SLIT2: variants seen among roughly 807,000 people sequenced by gnomAD.
SLIT2 encodes the protein slit guidance ligand 2.
In SLIT2, 41 loss-of-function variants were observed where a neutral mutation model predicts 185.7. That is an observed-to-expected ratio of 0.22 (90% CI 0.17 to 0.29). The LOEUF (loss-of-function observed/expected upper bound fraction) is 0.29, where lower values mean the gene tolerates loss of function less well. Ranked by LOEUF, SLIT2 falls within the 10% of genes least tolerant of loss-of-function variation. The probability of loss-of-function intolerance (pLI) is 1.00; values close to 1 mark genes in which losing one functional copy is unlikely to be tolerated. For missense variants in SLIT2, 1,571 were observed against 1,909.0 expected, an observed-to-expected ratio of 0.82 and a Z score of 3.30; for synonymous variants, 693 against 680.2, an observed-to-expected ratio of 1.02 and a Z score of -0.29.
At chr4:20,539,174 A>C (rs1373805201) in intron 18 of SLIT2, among the ~76,000 whole-genome samples, 3 of 152,286 alleles carry the variant, frequency 2.0e-5, no homozygotes, top group Non-Finnish European at 2.9e-5. Flanking sequence ...TCAAAGGAAA[A>C]CATTCTTCCC....
In SLIT2 at chr4:20,529,445, G is replaced by A. The variant is rs1332899167; in HGVS notation, c.1613+346G>A. On this transcript the variant is annotated intron_variant, in intron 16 of 36. Coordinates refer to ENST00000504154, the MANE Select transcript of SLIT2 (RefSeq NM_004787.4). ...GTTTTTAACGTATTTAATTCTTATA[G>A]CAACTAAATAAAGTAGTTTGAGAGC... Among the ~76,000 whole-genome samples the A allele has an allele frequency of 2.0e-5, 3 of 151,984 alleles. No homozygotes were observed. In the South Asian group the frequency reaches 6.2e-4, roughly 31 times the overall value.
intron 29 of SLIT2, among the ~76,000 whole-genome samples, chr4:20,581,739 CTCTT>C (rs1726592343): frequency 6.6e-6 from 1 of 152,164 alleles, no homozygotes; most frequent in East Asian, 2.0e-4. Flanking sequence ...ACAGAGTTCT[CTCTT>C]TCTCTCTCTT....
intron 4 of SLIT2, among the ~76,000 whole-genome samples, chr4:20,462,236 C>T (rs1577701661): frequency 6.6e-6 from 1 of 152,140 alleles, no homozygotes; most frequent in African/African-American, 2.4e-5. Context: ...TCCAGCTCCC[C>T]TCATTTCTCT....
intron 26 of SLIT2, among the ~76,000 whole-genome samples, chr4:20,556,348 A>C (rs1300656075): frequency 6.6e-6 from 1 of 152,046 alleles, no homozygotes; most frequent in African/African-American, 2.4e-5. Flanking sequence ...GACAAACTGC[A>C]AACTGATTCT....
At chr4:20,335,226 C>G (rs1311230505) in intron 4 of SLIT2, among the ~76,000 whole-genome samples, 2 of 152,114 alleles carry the variant, frequency 1.3e-5, no homozygotes, top group African/African-American at 4.8e-5. Flanking sequence ...TTGAGTGATT[C>G]ATCTGCAGAG....
intron 33 of SLIT2, among the ~76,000 whole-genome samples, chr4:20,601,268 T>C (rs114901182): frequency 0.014 from 2,092 of 152,332 alleles, 28 homozygotes; most frequent in South Asian, 0.028. Context: ...ACTGTGTGTC[T>C]TGGACAGATT....
rs542920605 is a variant in SLIT2, at chr4:20,272,379, A to G, written c.395+3498A>G. ...GTTGCATTTTTATTATGAACCTAAG[A>G]GTAGAGGAAATTATTTTTAAAGAAA... is the stretch of plus-strand genomic sequence containing the variant. On this transcript the variant is annotated intron_variant, in intron 4 of 36. Transcript: ENST00000504154. 1.5e-4 allele frequency among the ~76,000 whole-genome samples: 23 copies of G among 152,126 alleles called. No homozygotes were observed. In the East Asian group the frequency reaches 4.3e-3, roughly 28 times the overall value.
In SLIT2 at chr4:20,370,845, G is replaced by C. The variant is rs572268205; in HGVS notation, c.396-96907G>C. Among the ~76,000 whole-genome samples the C allele has an allele frequency of 5.2e-4, 79 of 152,202 alleles. No individual in the cohort carries two copies. In the South Asian group the frequency reaches 0.014, roughly 28 times the overall value. ...GAGGAAGTCCCAAATCCCATGGGTA[G>C]TTTTTAAGCTTTGGAGAAAATGTAT... On this transcript the variant is annotated intron_variant, in intron 4 of 36. Transcript: ENST00000504154.
At chr4:20,421,676 A>AT (rs1728183866) in intron 4 of SLIT2, among the ~76,000 whole-genome samples, 2 of 152,152 alleles carry the variant, frequency 1.3e-5, no homozygotes, top group Non-Finnish European at 2.9e-5. Context: ...AAATAGATTT[A>AT]TTTTTACAAT....
At chr4:20,457,666 T>C (rs527980854) in intron 4 of SLIT2, among the ~76,000 whole-genome samples, 1 of 152,316 alleles carries the variant, frequency 6.6e-6, no homozygotes, top group South Asian at 2.1e-4. Flanking sequence ...GGCATAATGA[T>C]CACTTTACCT....
chr4:20,378,958 CATATTAGTAAGTGAAAGAAATTAAT>C (rs1724254612), intron 4 of SLIT2, among the ~76,000 whole-genome samples: 1 of 152,028 alleles, frequency 6.6e-6, no homozygotes, highest in African/African-American at 2.4e-5. Flanking sequence ...ACCTTAAATG[CATATTAGTAAGTGAAAGAAATTAAT>C]CTGAAAAGGC....
chr4:20,383,824 T>C (rs534038468), intron 4 of SLIT2, among the ~76,000 whole-genome samples: 8 of 152,242 alleles, frequency 5.3e-5, no homozygotes, highest in African/African-American at 1.9e-4. Flanking sequence ...TGCCTCAGCC[T>C]CCAGTGTAGC....
At chr4:20,375,076 A>G (rs1475280931) in intron 4 of SLIT2, among the ~76,000 whole-genome samples, 2 of 152,088 alleles carry the variant, frequency 1.3e-5, no homozygotes, top group South Asian at 2.1e-4. Context: ...TGACGTGTGT[A>G]TGTGTATAAG....
chr4:20,526,616 A>G (rs1721318827), intron 15 of SLIT2, among the ~76,000 whole-genome samples: 1 of 152,198 alleles, frequency 6.6e-6, no homozygotes, highest in Non-Finnish European at 1.5e-5. Context: ...ATAAAGAACA[A>G]AAGTCAGGTT....
At chr4:20,343,182 G>C (rs955333308) in intron 4 of SLIT2, among the ~76,000 whole-genome samples, 1 of 151,882 alleles carries the variant, frequency 6.6e-6, no homozygotes. Flanking sequence ...TTGTATGTTT[G>C]TACCCATTAA....
At chr4:20,565,499 T>A (rs529304729) in intron 26 of SLIT2, among the ~76,000 whole-genome samples, 3 of 152,166 alleles carry the variant, frequency 2.0e-5, no homozygotes, top group Admixed American at 2.0e-4. Flanking sequence ...ACCATTCATT[T>A]CTGCAGTGTG....
intron 4 of SLIT2, among the ~76,000 whole-genome samples, chr4:20,401,250 A>G (rs1380084757): frequency 1.3e-5 from 2 of 151,890 alleles, no homozygotes; most frequent in African/African-American, 4.8e-5. Flanking sequence ...TCTTGAAAGA[A>G]CGTTGTCTCT....
Position 20,377,212 on chromosome 4 carries a change from C to A in SLIT2, c.396-90540C>A, listed in dbSNP as rs569241510. On this transcript the variant is annotated intron_variant, in intron 4 of 36. Coordinates refer to ENST00000504154, the MANE Select transcript of SLIT2 (RefSeq NM_004787.4). ...TCTTGAGAAAATTGGTAATAAATGT[C>A]TAAATCATTCTCAAATAGAAAAATG... Among the ~76,000 whole-genome samples the A allele has an allele frequency of 2.0e-5, 3 of 152,004 alleles. No homozygotes were observed. In the South Asian group the frequency reaches 6.2e-4, roughly 32 times the overall value.
chr4:20,472,478 A>ATATATC (rs1201189954), intron 5 of SLIT2, among the ~76,000 whole-genome samples: 1 of 29,536 alleles, frequency 3.4e-5, no homozygotes, highest in Non-Finnish European at 5.0e-5. Flanking sequence ...ATATATAGAT[A>ATATATC]TATATCTATA....
Sources: allele counts gnomAD v4.1 joint callset (sites outside exome capture counted in the v4.1 genomes callset), GRCh38; gene constraint gnomAD v4.1.1; transcripts MANE v1.5; gene names NCBI Gene and HGNC (gene_info 2026-07-23, HGNC 2026-07-21).